Variants in TMEM132D observed in about 807,000 individuals in gnomAD.
TMEM132D encodes the protein mature OL transmembrane protein.
In TMEM132D, 21 loss-of-function variants were observed where a neutral mutation model predicts 62.3. The ratio of observed to expected loss-of-function variants is 0.34; its 90% CI spans 0.24 to 0.49. The LOEUF (loss-of-function observed/expected upper bound fraction) is 0.49, where lower values mean the gene tolerates loss of function less well. Ranked by LOEUF, TMEM132D falls within the 20% of genes least tolerant of loss-of-function variation. The pLI, the probability that TMEM132D is intolerant of heterozygous loss-of-function variation, is 0.99. For synonymous variants in TMEM132D, 621 were observed against 575.6 expected (o/e 1.08, Z -1.13); for missense variants, 1,346 against 1,402.8 (o/e 0.96, Z 0.65).
At chr12:129,665,130 A>G (rs1427452882) in intron 2 of TMEM132D, among the ~76,000 whole-genome samples, 2 of 152,092 alleles carry the variant, frequency 1.3e-5, no homozygotes, top group African/African-American at 4.8e-5. Context: ...TTTAGGCCCC[A>G]GATCCTACCC....
At chr12:129,110,954 C>A (rs1875679218) in intron 5 of TMEM132D, 1 of 152,324 alleles carries the variant, frequency 6.6e-6, no homozygotes. Context: ...CTGTGAAAAC[C>A]AACCCAGCTG....
At chr12:129,179,689 G>A (rs1878011319) in intron 5 of TMEM132D, among the ~76,000 whole-genome samples, 1 of 152,056 alleles carries the variant, frequency 6.6e-6, no homozygotes, top group African/African-American at 2.4e-5. Context: ...TGTGAACTTC[G>A]GTTGGATGAT....
At chr12:129,581,504 G>A (rs1001079663) in intron 2 of TMEM132D, among the ~76,000 whole-genome samples, 1 of 152,184 alleles carries the variant, frequency 6.6e-6, no homozygotes, top group African/African-American at 2.4e-5. Flanking sequence ...TTCAGTCTGT[G>A]GCCAAAGGCC....
intron 3 of TMEM132D, among the ~76,000 whole-genome samples, chr12:129,363,623 T>A (rs2135675829): frequency 6.6e-6 from 1 of 152,344 alleles, no homozygotes; most frequent in South Asian, 2.1e-4. Flanking sequence ...GATGATTCTG[T>A]TTCTTTAGGC....
chr12:129,162,276 T>C (rs1055917885), intron 5 of TMEM132D, among the ~76,000 whole-genome samples: 5 of 152,050 alleles, frequency 3.3e-5, no homozygotes, highest in African/African-American at 7.2e-5. Flanking sequence ...TGTGAGGACA[T>C]GGAGAGAAGG....
At chr12:129,487,829 C>T (rs1874631443) in intron 3 of TMEM132D, among the ~76,000 whole-genome samples, 1 of 148,188 alleles carries the variant, frequency 6.7e-6, no homozygotes, top group Middle Eastern at 3.6e-3. Flanking sequence ...CCCAGATACT[C>T]GGGAGGCTGA....
intron 5 of TMEM132D, among the ~76,000 whole-genome samples, chr12:129,114,586 T>C (rs1875834511): frequency 6.6e-6 from 1 of 152,234 alleles, no homozygotes; most frequent in Non-Finnish European, 1.5e-5. Context: ...TGACATTTCA[T>C]GAAGCAAACA....
At chr12:129,592,172 T>C (rs1015378133) in intron 2 of TMEM132D, among the ~76,000 whole-genome samples, 12 of 152,174 alleles carry the variant, frequency 7.9e-5, no homozygotes, top group South Asian at 2.1e-4. Flanking sequence ...ACCAAAACTC[T>C]GCAGAATATA....
intron 3 of TMEM132D, among the ~76,000 whole-genome samples, chr12:129,361,795 T>C (rs775970611): frequency 2.6e-5 from 4 of 152,196 alleles, no homozygotes; most frequent in Non-Finnish European, 4.4e-5. Context: ...CATAAAATGA[T>C]TGACAAACAA....
chr12:129,689,502 G>T (rs1351213999), intron 2 of TMEM132D, among the ~76,000 whole-genome samples: 2 of 152,082 alleles, frequency 1.3e-5, no homozygotes, highest in African/African-American at 2.4e-5. Flanking sequence ...CTCCCCAACT[G>T]CCTGCAGCAT....
At chr12:129,457,744 G>A (rs1873522709) in intron 3 of TMEM132D, among the ~76,000 whole-genome samples, 2 of 152,014 alleles carry the variant, frequency 1.3e-5, no homozygotes. Flanking sequence ...GAGAGAAAGA[G>A]AGTGAAGAGG....
At chr12:129,141,073 A>G (rs1427569475) in intron 5 of TMEM132D, among the ~76,000 whole-genome samples, 1 of 152,154 alleles carries the variant, frequency 6.6e-6, no homozygotes, top group Non-Finnish European at 1.5e-5. Flanking sequence ...GATCCTGAAG[A>G]TCTTAAGTTG....
Position 129,442,250 on chromosome 12 carries a change from G to C in TMEM132D, c.1115+88809C>G, listed in dbSNP as rs536356397. Among the ~76,000 whole-genome samples, 16 of 152,364 alleles carry C rather than the reference G, an allele frequency of 1.1e-4. No individual in the cohort carries two copies. In the East Asian group the frequency reaches 2.9e-3, roughly 28 times the overall value. On this transcript the variant is annotated intron_variant, in intron 3 of 8. Transcript: ENST00000422113. ...ATCAGAGTTTGCATTGACACATTCTGTTAGATTCAGAGCAGAGAAGGGAAG... is the reference window on the plus strand; with the variant it reads ...ATCAGAGTTTGCATTGACACATTCTCTTAGATTCAGAGCAGAGAAGGGAAG...
At chr12:129,114,422 T>TTCCCTCCTTCCCTCCTTCCTCCC (rs1565968843) in intron 5 of TMEM132D, among the ~76,000 whole-genome samples, 1 of 151,486 alleles carries the variant, frequency 6.6e-6, no homozygotes, top group South Asian at 2.1e-4. Flanking sequence ...CCTTCCCTCC[T>TTCCCTCCTTCCCTCCTTCCTCCC]TCCCTCCTTC....
In TMEM132D at chr12:129,460,359, G is replaced by A. The variant is rs569724908; in HGVS notation, c.1115+70700C>T. On this transcript the variant is annotated intron_variant, in intron 3 of 8. Transcript: ENST00000422113. ...TTCTCCACTGATTATTTCCAGGATT[G>A]GAGATTTGAAAAAGCGGATAAGGTC... 5.9e-5 allele frequency among the ~76,000 whole-genome samples: 9 copies of A among 152,316 alleles called. No individual in the cohort carries two copies. The South Asian group carries it at 1.9e-3, about 32-fold the overall frequency.
At chr12:129,698,065 C>T (rs1225237976) in intron 2 of TMEM132D, 4 of 152,136 alleles carry the variant, frequency 2.6e-5, no homozygotes, top group Non-Finnish European at 5.9e-5. Flanking sequence ...ATCAAAGCTC[C>T]CCTATTCAAA....
At chr12:129,601,045 T>C (rs1464145755) in intron 2 of TMEM132D, among the ~76,000 whole-genome samples, 2 of 152,214 alleles carry the variant, frequency 1.3e-5, no homozygotes, top group African/African-American at 4.8e-5. Flanking sequence ...TAGAAGGCTG[T>C]GTCATTTACA....
intron 1 of TMEM132D, among the ~76,000 whole-genome samples, chr12:129,736,596 A>G (rs1475062057): frequency 7.7e-6 from 1 of 129,530 alleles, no homozygotes; most frequent in East Asian, 2.3e-4. Flanking sequence ...AAAGAAAAAC[A>G]ATGATGTTTT....
intron 1 of TMEM132D, among the ~76,000 whole-genome samples, chr12:129,751,508 G>T (rs537071302): frequency 2.0e-5 from 3 of 150,134 alleles, no homozygotes; most frequent in South Asian, 2.1e-4. Flanking sequence ...TTCCTGTGTC[G>T]CCCCCACCAG....
Sources: gnomAD v4.1 joint callset for allele counts (sites outside exome capture counted in the v4.1 genomes callset) on GRCh38, gnomAD v4.1.1 for gene constraint, MANE v1.5 for transcripts, NCBI Gene and HGNC (gene_info 2026-07-23, HGNC 2026-07-21) for gene names.